KRT86: variants seen among roughly 807,000 people sequenced by gnomAD.
KRT86 encodes keratin 86.
Under a neutral mutation model 41.2 loss-of-function variants are expected in KRT86, and 30 were observed. That is an observed-to-expected ratio of 0.73 (90% confidence interval 0.54 to 0.99). KRT86 has a LOEUF of 0.99. Among genes scored for constraint, KRT86 ranks in the 50% least tolerant of loss-of-function variants. KRT86 has a pLI of 0.00. For missense variants in KRT86, 561 were observed against 571.4 expected (o/e 0.98, Z 0.19); for synonymous variants, 238 against 238.1 (o/e 1.00, Z 0.00).
In KRT86 at chr12:52,305,313, A is replaced by T; in HGVS notation, c.809A>T (p.Asn270Ile). The T allele has an allele frequency of 6.2e-7, 1 of 1,614,216 alleles. No homozygotes were observed. Among genetic ancestry groups the T allele is most frequent in the Non-Finnish European group, 8.5e-7 (1 of 1,180,040 alleles). The change falls in exon 7 of 11, where the codon AAC becomes ATC. Residue 270 changes from asparagine to isoleucine, a missense_variant. Physicochemically the swap from Asn to Ile is moderately radical, Grantham distance 149 (BLOSUM62 -3). Coordinates refer to ENST00000423955, the MANE Select transcript of KRT86 (RefSeq NM_001320198.2). ...AAGCTGGACAACAGCCGGGACCTGAACATGGACTGCATCATTGCCGAGATC... is the reference window on the plus strand; with the variant it reads ...AAGCTGGACAACAGCCGGGACCTGATCATGGACTGCATCATTGCCGAGATC... ...VVKLDNSRDL[N>I]MDCIIAEIKA...
chr12:52,302,392 C>T, intron 3 of KRT86, 107 bp downstream of exon 3: 1 of 420,180 alleles, frequency 2.4e-6, no homozygotes, highest in Non-Finnish European at 4.0e-6. Context: ...TGCCTGAGAT[C>T]CCAGTCTGAT....
chr12:52,283,368 G>A (rs1211455242), intron 2 of KRT86, among the ~76,000 whole-genome samples: 1 of 134,846 alleles, frequency 7.4e-6, no homozygotes, highest in Non-Finnish European at 1.6e-5. Flanking sequence ...ACTCCAGCCT[G>A]GGCAACAGGG....
At chr12:52,291,991 G>T (rs577528656) in intron 2 of KRT86, among the ~76,000 whole-genome samples, 45 of 152,296 alleles carry the variant, frequency 3.0e-4, no homozygotes, top group African/African-American at 8.9e-4. Flanking sequence ...TGTGGCTAAA[G>T]TGCTCCTGAA....
intron 2 of KRT86, among the ~76,000 whole-genome samples, chr12:52,276,823 C>T (rs189278608): frequency 6.6e-6 from 1 of 152,196 alleles, no homozygotes; most frequent in Non-Finnish European, 1.5e-5. Flanking sequence ...CTCACACCCC[C>T]GCTGGCTCAA....
intron 2 of KRT86, chr12:52,291,624 G>C: frequency 2.6e-6 from 3 of 1,168,720 alleles, no homozygotes; most frequent in Non-Finnish European, 3.6e-6. Flanking sequence ...GCGCTTTATG[G>C]GCTTGGGTGG....
At chr12:52,301,569 C>T (rs968600641) in intron 2 of KRT86, among the ~76,000 whole-genome samples, 1 of 152,164 alleles carries the variant, frequency 6.6e-6, no homozygotes. Context: ...AGTCACTGCC[C>T]ACTCCTTCGT....
intron 2 of KRT86, among the ~76,000 whole-genome samples, chr12:52,283,711 C>T (rs895792549): frequency 6.6e-6 from 1 of 152,130 alleles, no homozygotes; most frequent in African/African-American, 2.4e-5. Flanking sequence ...AACTCCTGAC[C>T]TCAGGTGATC....
At chr12:52,284,214 C>G (rs1358477392) in intron 2 of KRT86, among the ~76,000 whole-genome samples, 1 of 152,096 alleles carries the variant, frequency 6.6e-6, no homozygotes, top group Non-Finnish European at 1.5e-5. Context: ...TTTTTTGAAA[C>G]AGGGTCTTGC....
intron 9 of KRT86, 32 bp downstream of exon 9, chr12:52,306,312 C>G (rs752937148): frequency 6.2e-7 from 1 of 1,612,814 alleles, no homozygotes; most frequent in African/African-American, 1.3e-5. Context: ...CTTTCCCAGC[C>G]CTGCCAGGGT....
intron 8 of KRT86, 96 bp downstream of exon 8, chr12:52,305,884 C>G (rs1938502639): frequency 2.5e-6 from 4 of 1,606,736 alleles, no homozygotes; most frequent in Non-Finnish European, 1.7e-6. Context: ...CATTCATTCT[C>G]CAGCCCCTCT....
intron 2 of KRT86, among the ~76,000 whole-genome samples, chr12:52,282,230 G>C (rs1937790013): frequency 7.2e-6 from 1 of 138,988 alleles, no homozygotes; most frequent in South Asian, 2.5e-4. Context: ...TGAGCCCCCT[G>C]AAACAATTTT....
In KRT86 at chr12:52,287,197, G is replaced by T. The variant is rs1307227739; in HGVS notation, c.-5+11251G>T. On this transcript the variant is annotated intron_variant, in intron 2 of 10. Coordinates refer to ENST00000423955, the MANE Select transcript of KRT86 (RefSeq NM_001320198.2). Reference sequence around the variant, plus strand: ...TCACCTCCTGGTACTCCCTGATCAGGCAGGCCATGTCCTGCTTGGCCTTCT... The same window carrying T: ...TCACCTCCTGGTACTCCCTGATCAGTCAGGCCATGTCCTGCTTGGCCTTCT... 4 of 1,613,882 alleles carry T rather than the reference G, an allele frequency of 2.5e-6. No homozygotes were observed. In the East Asian group the frequency reaches 8.9e-5, roughly 36 times the overall value.
chr12:52,297,217 T>C (rs977094400), intron 2 of KRT86, among the ~76,000 whole-genome samples: 3 of 152,232 alleles, frequency 2.0e-5, no homozygotes, highest in Admixed American at 6.5e-5. Flanking sequence ...CAATTGCACA[T>C]TGTCCCAGAA....
chr12:52,307,961 G>T (rs116153798), intron 9 of KRT86, among the ~76,000 whole-genome samples: 5 of 152,372 alleles, frequency 3.3e-5, no homozygotes, highest in African/African-American at 1.2e-4. Flanking sequence ...GATCTACGAA[G>T]TAGGTTTTCC....
chr12:52,308,848 T>G lies in KRT86; in HGVS notation c.*263T>G. On this transcript the variant is annotated 3_prime_UTR_variant, in exon 11 of 11. Coordinates refer to ENST00000423955, the MANE Select transcript of KRT86 (RefSeq NM_001320198.2). Reference sequence around the variant, plus strand: ...CGAGGATTCATCTTTTTCTTCCGCCTGCCTTCTGTTTTTTTTGCTGTATAC... The same window carrying G: ...CGAGGATTCATCTTTTTCTTCCGCCGGCCTTCTGTTTTTTTTGCTGTATAC... 4.0e-6 allele frequency: 2 copies of G among 494,762 alleles called. No homozygotes were observed. The highest frequency in any genetic ancestry group is 7.1e-6 in the Non-Finnish European group (2 of 282,608). The allele number at this position is 494,762 out of a possible 1,614,324, so 30.6% of individuals were successfully genotyped here.
intron 2 of KRT86, among the ~76,000 whole-genome samples, chr12:52,297,928 A>AAATCCTCTG (rs1938286450): frequency 6.6e-6 from 1 of 152,184 alleles, no homozygotes; most frequent in Admixed American, 6.5e-5. Flanking sequence ...CAACCTCATG[A>AAATCCTCTG]AATCCTCTGG....
intron 10 of KRT86, 49 bp downstream of exon 10, chr12:52,308,313 C>T: frequency 6.2e-7 from 1 of 1,613,930 alleles, no homozygotes; most frequent in South Asian, 1.1e-5. Flanking sequence ...GTCTGGGAGC[C>T]TCTGGGCAAA....
intron 2 of KRT86, among the ~76,000 whole-genome samples, chr12:52,276,862 G>T (rs1461962213): frequency 6.6e-6 from 1 of 152,198 alleles, no homozygotes; most frequent in Non-Finnish European, 1.5e-5. Flanking sequence ...AAGGGCTTCT[G>T]TTCCCGGTCT....
At chr12:52,274,796 A>G (rs1301361706) in intron 1 of KRT86, 74 bp downstream of exon 1, 11 of 944,110 alleles carry the variant, frequency 1.2e-5, no homozygotes, top group Non-Finnish European at 1.4e-5. Context: ...TCTGTTGGGC[A>G]TACAGCTTTT....
Sources: gnomAD v4.1 joint callset for allele counts (sites outside exome capture counted in the v4.1 genomes callset) on GRCh38, gnomAD v4.1.1 for gene constraint, MANE v1.5 for transcripts, NCBI Gene and HGNC (gene_info 2026-07-23, HGNC 2026-07-21) for gene names.